KSR2: variants seen among roughly 807,000 people sequenced by gnomAD.
KSR2 encodes the protein kinase suppressor of ras 2.
In KSR2, 25 loss-of-function variants were observed where a neutral mutation model predicts 107.8. The ratio of observed to expected loss-of-function variants is 0.23; its 90% CI spans 0.17 to 0.32. KSR2 has a LOEUF of 0.32. Among genes scored for constraint, KSR2 ranks in the 10% least tolerant of loss-of-function variants. The probability of loss-of-function intolerance (pLI) is 1.00; values close to 1 mark genes in which losing one functional copy is unlikely to be tolerated. For synonymous variants in KSR2, 480 were observed against 507.0 expected (o/e 0.95, Z 0.71); for missense variants, 887 against 1,268.9 (o/e 0.70, Z 4.57).
intron 4 of KSR2, among the ~76,000 whole-genome samples, chr12:117,755,668 G>A (rs1255986225): frequency 6.6e-5 from 10 of 152,134 alleles, no homozygotes; most frequent in East Asian, 3.8e-4. Flanking sequence ...GCCTCTAAGC[G>A]TTCCAGTGAA....
At chr12:117,670,956 C>T (rs1158183120) in intron 4 of KSR2, among the ~76,000 whole-genome samples, 1 of 152,120 alleles carries the variant, frequency 6.6e-6, no homozygotes. Flanking sequence ...GTCGGGGTAA[C>T]TTATCATTCC....
At chr12:117,582,392 A>G in intron 5 of KSR2, 33 bp from the exon 6 acceptor site, 1 of 1,569,014 alleles carries the variant, frequency 6.4e-7, no homozygotes, top group Non-Finnish European at 8.8e-7. Flanking sequence ...TGTTACACAG[A>G]GGGTCAGAGA....
chr12:117,703,127 G>A (rs1487034224), intron 4 of KSR2, among the ~76,000 whole-genome samples: 4 of 152,174 alleles, frequency 2.6e-5, no homozygotes, highest in African/African-American at 7.2e-5. Context: ...GAGAGAGAGA[G>A]ACAAAGAGAA....
At chr12:117,610,749 A>AG (rs1881549266) in intron 5 of KSR2, among the ~76,000 whole-genome samples, 1 of 151,740 alleles carries the variant, frequency 6.6e-6, no homozygotes, top group East Asian at 1.9e-4. Flanking sequence ...AAAAAAAAAA[A>AG]AAAAAACAGA....
chr12:117,575,229 T>C lies in KSR2; in HGVS notation c.1325+3890A>G, dbSNP rs1202904737. Among the ~76,000 whole-genome samples, 3 of 152,188 alleles carry C rather than the reference T, an allele frequency of 2.0e-5. No homozygotes were observed. In the South Asian group the frequency reaches 6.2e-4, roughly 32 times the overall value. ...TTTATTCACTCTTGTTTCCCCAGCA[T>C]CTAGAGTTGTGCATGGTGTATATAT... On this transcript the variant is annotated intron_variant, in intron 7 of 19. Transcript: ENST00000339824.
intron 3 of KSR2, among the ~76,000 whole-genome samples, chr12:117,800,223 T>G (rs1286720822): frequency 1.3e-5 from 2 of 152,072 alleles, no homozygotes; most frequent in Admixed American, 6.5e-5. Flanking sequence ...GGACACCATC[T>G]CAGATGGCCA....
chr12:117,566,571 C>A (rs1878508977), intron 7 of KSR2, among the ~76,000 whole-genome samples: 1 of 152,186 alleles, frequency 6.6e-6, no homozygotes, highest in Non-Finnish European at 1.5e-5. Flanking sequence ...TGATCTCGTT[C>A]TTTTGTATGG....
chr12:117,914,692 A>G (rs1294305250), intron 1 of KSR2, among the ~76,000 whole-genome samples: 4 of 152,010 alleles, frequency 2.6e-5, no homozygotes, highest in Admixed American at 6.6e-5. Flanking sequence ...GTGCCACCAC[A>G]CCTGGCTAAT....
chr12:117,762,542 G>A (rs958287243), intron 3 of KSR2, among the ~76,000 whole-genome samples: 2 of 152,152 alleles, frequency 1.3e-5, no homozygotes, highest in African/African-American at 4.8e-5. Context: ...ATTGGTGCTG[G>A]GAGGGAAATA....
rs182553898 is a variant in KSR2, at chr12:117,859,442, C to T, written c.321+849G>A. ...GCCACCGCGCCTGGCCTGTTTTTTT[C>T]GTTTTTTGTTTTTTATTTATTTTTT... is the stretch of plus-strand genomic sequence containing the variant. On this transcript the variant is annotated intron_variant, in intron 2 of 19. Transcript: ENST00000339824. Among the ~76,000 whole-genome samples the T allele has an allele frequency of 9.1e-5, 13 of 143,376 alleles. No homozygotes were observed. In the East Asian group the frequency reaches 1.7e-3, roughly 18 times the overall value. The allele number at this position is 143,376 out of a possible 152,430, so 94.1% of individuals were successfully genotyped here. A position where few individuals can be genotyped will look rare whatever the true frequency, so the allele number is the denominator to read the frequency against.
rs1324869326 is a variant in KSR2, at chr12:117,453,225, G to C, written c.*13974C>G. 2.6e-5 allele frequency: 4 copies of C among 152,328 alleles called. No homozygotes were observed. In the East Asian group the frequency reaches 7.7e-4, roughly 29 times the overall value. The allele number at this position is 152,328 out of a possible 1,614,324, so 9.4% of individuals were successfully genotyped here. On this transcript the variant is annotated 3_prime_UTR_variant, in exon 20 of 20. Coordinates refer to ENST00000339824, the MANE Select transcript of KSR2 (RefSeq NM_173598.6). ...TGTAGAAAACTTTATAAATGATTCT[G>C]TACAAATATACACAGTGGACCCTCC...
At chr12:117,516,555 C>T (rs1874391188) in intron 14 of KSR2, among the ~76,000 whole-genome samples, 1 of 152,140 alleles carries the variant, frequency 6.6e-6, no homozygotes, top group East Asian at 1.9e-4. Flanking sequence ...ATTATAGCAT[C>T]ATTTTATAGG....
At chr12:117,556,177 C>T (rs1217972712) in intron 8 of KSR2, among the ~76,000 whole-genome samples, 1 of 151,162 alleles carries the variant, frequency 6.6e-6, no homozygotes, top group Non-Finnish European at 1.5e-5. Flanking sequence ...TATGTACAGA[C>T]ACCTGCCACC....
intron 1 of KSR2, among the ~76,000 whole-genome samples, chr12:117,867,311 G>A (rs1418497564): frequency 6.6e-6 from 1 of 151,006 alleles, no homozygotes; most frequent in Non-Finnish European, 1.5e-5. Flanking sequence ...GCGAGACCTT[G>A]TATTTAAAAA....
intron 3 of KSR2, among the ~76,000 whole-genome samples, chr12:117,815,535 A>G (rs947314674): frequency 2.0e-5 from 3 of 152,256 alleles, no homozygotes; most frequent in African/African-American, 7.2e-5. Flanking sequence ...CTCAGGATAC[A>G]GTAGCAAATC....
At chr12:117,953,299 C>G (rs754208410) in intron 1 of KSR2, among the ~76,000 whole-genome samples, 1 of 152,146 alleles carries the variant, frequency 6.6e-6, no homozygotes, top group Non-Finnish European at 1.5e-5. Context: ...ATAGCATTAC[C>G]GTATAACCCA....
intron 5 of KSR2, 102 bp downstream of exon 5, chr12:117,667,372 T>C (rs1884698638): frequency 8.9e-7 from 1 of 1,122,818 alleles, no homozygotes; most frequent in South Asian, 1.4e-5. Flanking sequence ...GCCCTTGAGA[T>C]AAAGAAGAGA....
intron 14 of KSR2, among the ~76,000 whole-genome samples, chr12:117,487,657 C>A (rs1186843274): frequency 1.3e-5 from 2 of 152,172 alleles, no homozygotes; most frequent in African/African-American, 4.8e-5. Flanking sequence ...CCAGAAAATA[C>A]CCTCCCCACT....
chr12:117,914,077 C>T (rs142908497), intron 1 of KSR2, among the ~76,000 whole-genome samples: 60 of 152,214 alleles, frequency 3.9e-4, no homozygotes, highest in African/African-American at 1.4e-3. Flanking sequence ...TCCAGTTTCC[C>T]GTCTGAAAAC....
Sources: gnomAD v4.1 joint callset for allele counts (sites outside exome capture counted in the v4.1 genomes callset) on GRCh38, gnomAD v4.1.1 for gene constraint, MANE v1.5 for transcripts, NCBI Gene and HGNC (gene_info 2026-07-23, HGNC 2026-07-21) for gene names.